ATAD2B: variants seen among roughly 807,000 people sequenced by gnomAD.
The protein encoded by ATAD2B is ATPase family AAA domain-containing protein 2B.
In ATAD2B, 40 loss-of-function variants were observed where a neutral mutation model predicts 167.6. The ratio of observed to expected loss-of-function variants is 0.24; its 90% CI spans 0.19 to 0.31. The LOEUF (loss-of-function observed/expected upper bound fraction) is 0.31. Ranked by LOEUF, ATAD2B falls within the 10% of genes least tolerant of loss-of-function variation. The pLI is 1.00. For missense variants in ATAD2B, 1,242 were observed against 1,757.2 expected, an observed-to-expected ratio of 0.71 and a Z score of 5.24; for synonymous variants, 579 against 596.5, an observed-to-expected ratio of 0.97 and a Z score of 0.43.
intron 8 of ATAD2B, chr2:23,872,153 G>A: frequency 3.5e-6 from 1 of 287,848 alleles, no homozygotes; most frequent in Non-Finnish European, 6.8e-6. Flanking sequence ...TGGGATTACA[G>A]GCATGAGCCA....
At chr2:23,859,043 G>A (rs190258408) in intron 12 of ATAD2B, among the ~76,000 whole-genome samples, 2 of 152,096 alleles carry the variant, frequency 1.3e-5, no homozygotes, top group African/African-American at 4.8e-5. Flanking sequence ...TTTGCAAATT[G>A]CCATCCACTG....
At chr2:23,872,786 T>A in intron 8 of ATAD2B, 1 of 935,468 alleles carries the variant, frequency 1.1e-6, no homozygotes, top group Non-Finnish European at 1.8e-6. Flanking sequence ...CCACATCTGA[T>A]CAATGGCATC....
In ATAD2B at chr2:23,754,321, G is replaced by A. The variant is rs906720201; in HGVS notation, c.4207-14C>T. The A allele has an allele frequency of 3.9e-6, 6 of 1,536,080 alleles. No homozygotes were observed. The African/African-American group carries it at 4.2e-5, about 11-fold the overall frequency. The stretch of plus-strand genomic sequence containing the variant: ...ATCAAGCAATTTCTAAGAAAAAACA[G>A]AAAAGAATAAAATGTAATTTGATTT... On this transcript the variant is annotated splice_polypyrimidine_tract_variant and intron_variant, in intron 26 of 27. Transcript: ENST00000238789.
intron 1 of ATAD2B, among the ~76,000 whole-genome samples, chr2:23,896,461 T>C (rs1395193084): frequency 1.3e-5 from 2 of 152,164 alleles, no homozygotes; most frequent in Admixed American, 6.6e-5. Context: ...ACATTTATAA[T>C]CAGAAAAATA....
chr2:23,849,384 T>A (rs1366764156), intron 13 of ATAD2B, among the ~76,000 whole-genome samples: 1 of 152,110 alleles, frequency 6.6e-6, no homozygotes, highest in Non-Finnish European at 1.5e-5. Flanking sequence ...AACATCAACA[T>A]AAAGATGCAA....
intron 8 of ATAD2B, among the ~76,000 whole-genome samples, chr2:23,874,313 G>T (rs998820238): frequency 2.0e-5 from 3 of 152,070 alleles, no homozygotes; most frequent in Non-Finnish European, 2.9e-5. Flanking sequence ...TAAACTATTA[G>T]AGGAAACCAT....
At chr2:23,820,842 G>C (rs919021698) in intron 16 of ATAD2B, among the ~76,000 whole-genome samples, 2 of 152,052 alleles carry the variant, frequency 1.3e-5, no homozygotes, top group African/African-American at 4.8e-5. Context: ...CCAGCTACTC[G>C]GGAGGCTGAG....
At chr2:23,850,985 G>C (rs1434545959) in intron 13 of ATAD2B, among the ~76,000 whole-genome samples, 1 of 152,154 alleles carries the variant, frequency 6.6e-6, no homozygotes, top group Admixed American at 6.6e-5. Context: ...GAAAAAGCTA[G>C]CTGGTCTTTT....
chr2:23,871,941 A>T (rs775224075), intron 8 of ATAD2B, among the ~76,000 whole-genome samples: 41 of 151,954 alleles, frequency 2.7e-4, no homozygotes, highest in Admixed American at 1.2e-3. Context: ...GCAATGGCGC[A>T]ATCTCGACTC....
intron 2 of ATAD2B, among the ~76,000 whole-genome samples, chr2:23,891,020 ATTTTTTT>A: frequency 7.3e-6 from 1 of 136,990 alleles, no homozygotes; most frequent in East Asian, 2.3e-4. Context: ...ATATACTGAG[ATTTTTTT>A]TTTTTTTTTT....
intron 7 of ATAD2B, among the ~76,000 whole-genome samples, chr2:23,878,273 A>C (rs1317619034): frequency 2.0e-5 from 3 of 151,784 alleles, no homozygotes; most frequent in Non-Finnish European, 4.4e-5. Flanking sequence ...AGGCAGGAGA[A>C]TCGCTTGAAC....
At chr2:23,843,432 AAGC>A (rs1691250023) in intron 13 of ATAD2B, among the ~76,000 whole-genome samples, 1 of 152,242 alleles carries the variant, frequency 6.6e-6, no homozygotes, top group South Asian at 2.1e-4. Context: ...AAGATACTGA[AAGC>A]AGCAAGAGAA....
chr2:23,823,261 C>T lies in ATAD2B; in HGVS notation c.2128G>A (p.Glu710Lys). Reference protein sequence around the residue: ...HAEISQSDKKEDIETLILEDS... With the variant: ...HAEISQSDKKKDIETLILEDS... Reference sequence around the variant, plus strand: ...ATAAAAAAGTAGTTTAGAGTACCTTCTTTTTTGTCACTCTGGCTAATTTCA... The same window carrying T: ...ATAAAAAAGTAGTTTAGAGTACCTTTTTTTTTGTCACTCTGGCTAATTTCA... The change falls in exon 16 of 28, where the codon GAA (glutamate) becomes AAA (lysine). Residue 710 changes from glutamate to lysine, a missense_variant. Glu to Lys is a moderately conservative substitution (Grantham distance 56, BLOSUM62 1). Around this residue, in one of 9 missense-constraint regions of ATAD2B, gnomAD observed 145 missense variants for 181.9 expected, o/e 0.80. Coordinates refer to ENST00000238789, the MANE Select transcript of ATAD2B (RefSeq NM_017552.4). 3.7e-6 allele frequency: 6 copies of T among 1,605,768 alleles called. No individual in the cohort carries two copies. Among genetic ancestry groups the T allele is most frequent in the Non-Finnish European group, 4.3e-6 (5 of 1,174,390 alleles).
rs61415389 is a variant in ATAD2B at position 23,812,308 on chromosome 2, CAA to C, written c.2268-1808_2268-1807del. Among the ~76,000 whole-genome samples the C allele has an allele frequency of 4.3e-4, 60 of 140,840 alleles. No homozygotes were observed. The East Asian group carries it at 9.2e-3, about 22-fold the overall frequency. 92.4% of individuals were successfully genotyped at this position (140,840 alleles called of 152,430 possible). ...AAAGGAAAGGAGATCCTATTCACTGCAAAAAAAAAAAAAAATTAAAAAGGTAA... is the reference window on the plus strand; with the variant it reads ...AAAGGAAAGGAGATCCTATTCACTGCAAAAAAAAAAAAATTAAAAAGGTAA... On this transcript the variant is annotated intron_variant, in intron 17 of 27. Transcript: ENST00000238789.
At chr2:23,776,874 G>A (rs1679222009) in intron 22 of ATAD2B, among the ~76,000 whole-genome samples, 1 of 152,092 alleles carries the variant, frequency 6.6e-6, no homozygotes, top group Admixed American at 6.5e-5. Context: ...CTATATAGTA[G>A]GGATTGTGTT....
rs1573503698 is a variant in ATAD2B at position 23,926,879 on chromosome 2, G to T, written c.-109C>A. On this transcript the variant is annotated 5_prime_UTR_variant, in exon 1 of 28. Transcript: ENST00000238789. ...GGAGCCGAGCCGGGCAATGAGAGAC[G>T]AGCCGGCCCGGAGCGTGCGGAGCGC... The T allele has an allele frequency of 7.5e-7, 1 of 1,326,178 alleles. No individual in the cohort carries two copies. The highest frequency in any genetic ancestry group is 1.6e-5 in the South Asian group (1 of 63,624). 82.2% of individuals were successfully genotyped at this position (1,326,178 alleles called of 1,614,324 possible).
the ATAD2B span, among the ~76,000 whole-genome samples, chr2:23,681,355 C>A: frequency 2.6e-5 from 4 of 152,242 alleles, no homozygotes; most frequent in Non-Finnish European, 5.9e-5. The surrounding 1 kb of genome is among the most constrained non-coding windows in gnomAD (Gnocchi z 4.2). Flanking sequence ...GATGGGGACA[C>A]CTGAACCTCC....
chr2:23,853,131 T>G (rs1354064078), intron 13 of ATAD2B, among the ~76,000 whole-genome samples: 1 of 152,150 alleles, frequency 6.6e-6, no homozygotes, highest in Non-Finnish European at 1.5e-5. Flanking sequence ...AAAACTTAGT[T>G]AAAATCACAT....
At chr2:23,833,190 C>T (rs745767053) in intron 14 of ATAD2B, among the ~76,000 whole-genome samples, 17 of 152,182 alleles carry the variant, frequency 1.1e-4, no homozygotes, top group Non-Finnish European at 2.2e-4. Context: ...TCCATACAGT[C>T]CGAATCACTT....
Sources: gnomAD v4.1 joint callset for allele counts (sites outside exome capture counted in the v4.1 genomes callset) on GRCh38, gnomAD v4.1.1 for gene constraint, gnomAD v4.1.1 regional missense constraint, Gnocchi (gnomAD v3.1) non-coding constraint, MANE v1.5 for transcripts, NCBI Gene and HGNC (gene_info 2026-07-23, HGNC 2026-07-21) for gene names.